The following STOX2 variants were observed in gnomAD, a reference collection of about 807,000 sequenced individuals.
The protein encoded by STOX2 is storkhead box 2.
Under a neutral mutation model 60.9 loss-of-function variants are expected in STOX2, and 28 were observed. The observed-to-expected ratio is 0.46, with a 90% confidence interval of 0.34 to 0.63. STOX2 has a LOEUF of 0.63. Among genes scored for constraint, STOX2 ranks in the 30% least tolerant of loss-of-function variants. The probability of loss-of-function intolerance (pLI) is 0.01; values close to 1 mark genes in which losing one functional copy is unlikely to be tolerated. For synonymous variants in STOX2, 472 were observed against 463.9 expected (o/e 1.02, Z -0.22); for missense variants, 1,024 against 1,187.7 (o/e 0.86, Z 2.03).
intron 1 of STOX2, among the ~76,000 whole-genome samples, chr4:183,890,114 T>C (rs1011726587): frequency 6.6e-6 from 1 of 152,152 alleles, no homozygotes; most frequent in Non-Finnish European, 1.5e-5. Context: ...ACCATTAAGC[T>C]AGCAACTCAG....
At chr4:183,938,898 T>C (rs939271801) in intron 1 of STOX2, among the ~76,000 whole-genome samples, 1 of 152,158 alleles carries the variant, frequency 6.6e-6, no homozygotes, top group South Asian at 2.1e-4. Flanking sequence ...AGAATGCTCA[T>C]CTTTTAATAG....
chr4:183,956,390 A>G (rs1743248295), intron 1 of STOX2, among the ~76,000 whole-genome samples: 3 of 146,892 alleles, frequency 2.0e-5, no homozygotes, highest in South Asian at 2.1e-4. Flanking sequence ...CTATCTATCT[A>G]TCTATCTATC....
chr4:183,815,961 C>T (rs1269431537), intron 1 of STOX2, among the ~76,000 whole-genome samples: 3 of 152,140 alleles, frequency 2.0e-5, no homozygotes, highest in Non-Finnish European at 2.9e-5. Context: ...ATCTTGCATA[C>T]GTGGTTGGAC....
intron 1 of STOX2, among the ~76,000 whole-genome samples, chr4:183,912,865 C>T (rs1179883755): frequency 6.6e-6 from 1 of 152,170 alleles, no homozygotes. Context: ...ATGTGAGTCA[C>T]CTTTTTGTAA....
At chr4:183,938,342 A>G (rs1457071657) in intron 1 of STOX2, among the ~76,000 whole-genome samples, 1 of 152,218 alleles carries the variant, frequency 6.6e-6, no homozygotes, top group East Asian at 1.9e-4. Context: ...GTAAATTAAC[A>G]TGCAAGAAGC....
chr4:184,007,560 A>T (rs1210182678), intron 2 of STOX2, among the ~76,000 whole-genome samples: 1 of 152,194 alleles, frequency 6.6e-6, no homozygotes, highest in Non-Finnish European at 1.5e-5. Flanking sequence ...CAGTGAATGG[A>T]GGCTCAGAGA....
chr4:183,812,883 A>G (rs1436490807), intron 1 of STOX2, among the ~76,000 whole-genome samples: 1 of 152,200 alleles, frequency 6.6e-6, no homozygotes, highest in Non-Finnish European at 1.5e-5. Context: ...TTTTGTTCTC[A>G]TACCAAAAAG....
At position 183,968,343 on chromosome 4, in the gene STOX2, TACACACACACAC is replaced by T. The variant is rs60432446; in HGVS notation, c.167-32956_167-32945del. On this transcript the variant is annotated intron_variant, in intron 1 of 3. Transcript: ENST00000308497. Reference sequence around the variant, plus strand: ...TTTAACATGCACACATGCATATACCTACACACACACACACACACACACACACACACACACACA... The same window carrying T: ...TTTAACATGCACACATGCATATACCTACACACACACACACACACACACACA... Among the ~76,000 whole-genome samples the T allele has an allele frequency of 2.5e-3, 359 of 145,560 alleles. 1 individual carries two copies. Among genetic ancestry groups the T allele is most frequent in the African/African-American group, 8.3e-3 (328 of 39,680 alleles).
At chr4:183,993,159 C>G (rs1733184424) in intron 1 of STOX2, among the ~76,000 whole-genome samples, 1 of 152,200 alleles carries the variant, frequency 6.6e-6, no homozygotes. Flanking sequence ...CGATGCTCTA[C>G]CCTTTCTGCC....
Position 184,011,609 on chromosome 4 carries a change from A to C in STOX2, c.2585+186A>C. On this transcript the variant is annotated intron_variant, in intron 3 of 3. Coordinates refer to ENST00000308497, the MANE Select transcript of STOX2 (RefSeq NM_020225.3). The surrounding 1 kb of genome is among the most constrained non-coding windows in gnomAD (Gnocchi z 4.4). ...CAGGAATTGAAAAAAATGTTTCTGC[A>C]CCTGTAGAGATCACCAATCTGGACT... is the stretch of plus-strand genomic sequence containing the variant. 6.6e-7 allele frequency: 1 copy of C among 1,525,326 alleles called. No individual in the cohort carries two copies. The allele number at this position is 1,525,326 out of a possible 1,614,324, so 94.5% of individuals were successfully genotyped here.
At chr4:183,969,561 C>T (rs192125459) in intron 1 of STOX2, among the ~76,000 whole-genome samples, 1 of 152,274 alleles carries the variant, frequency 6.6e-6, no homozygotes, top group Admixed American at 6.5e-5. Flanking sequence ...AGCTACCATA[C>T]CCCGCTAGAT....
At chr4:183,887,259 C>T (rs1741104690) in intron 1 of STOX2, among the ~76,000 whole-genome samples, 3 of 101,302 alleles carry the variant, frequency 3.0e-5, no homozygotes, top group Admixed American at 1.2e-4. Flanking sequence ...AATGAGACTC[C>T]GCCTGAAAGA....
At chr4:183,917,272 G>C (rs1265218758) in intron 1 of STOX2, among the ~76,000 whole-genome samples, 10 of 152,240 alleles carry the variant, frequency 6.6e-5, no homozygotes, top group Non-Finnish European at 7.3e-5. Context: ...TGGTGGATCG[G>C]TAATCGTGAC....
chr4:183,986,666 G>T (rs1181559081), intron 1 of STOX2, among the ~76,000 whole-genome samples: 1 of 152,380 alleles, frequency 6.6e-6, no homozygotes, highest in East Asian at 1.9e-4. Context: ...TATCGGATGG[G>T]TGATGGCGCA....
At chr4:183,936,334 G>T (rs1193139601) in intron 1 of STOX2, among the ~76,000 whole-genome samples, 1 of 151,982 alleles carries the variant, frequency 6.6e-6, no homozygotes, top group African/African-American at 2.4e-5. Context: ...AATTGCTTCA[G>T]CACCGCTTTT....
chr4:183,811,080 A>G (rs1739023912), intron 1 of STOX2, among the ~76,000 whole-genome samples: 2 of 152,116 alleles, frequency 1.3e-5, no homozygotes, highest in African/African-American at 2.4e-5. Flanking sequence ...GTGATTTTAC[A>G]AGGAAGTGTA....
chr4:184,008,115 T>A (rs1733955017), intron 2 of STOX2, among the ~76,000 whole-genome samples: 1 of 152,194 alleles, frequency 6.6e-6, no homozygotes, highest in Non-Finnish European at 1.5e-5. Flanking sequence ...GTGAGTCAGA[T>A]GGTTAAATAT....
chr4:183,909,105 AT>A lies in STOX2; in HGVS notation c.166+2151del, dbSNP rs1374596636. On this transcript the variant is annotated intron_variant, in intron 1 of 3. Coordinates refer to ENST00000308497, the MANE Select transcript of STOX2 (RefSeq NM_020225.3). ...ATGATGACAAACACCTACAATGAAG[AT>A]TGGGAGAGTAGGTGGAGTCTTTCTC... is the stretch of plus-strand genomic sequence containing the variant. 5.9e-5 allele frequency among the ~76,000 whole-genome samples: 9 copies of A among 152,342 alleles called. No individual in the cohort carries two copies. The East Asian group carries it at 9.6e-4, about 16-fold the overall frequency.
At chr4:183,973,523 T>TA (rs966564378) in intron 1 of STOX2, among the ~76,000 whole-genome samples, 1 of 151,874 alleles carries the variant, frequency 6.6e-6, no homozygotes, top group Non-Finnish European at 1.5e-5. Context: ...TATACGAAGG[T>TA]AAAAAAATGA....
Sources: allele counts gnomAD v4.1 joint callset (sites outside exome capture counted in the v4.1 genomes callset), GRCh38; gene constraint gnomAD v4.1.1; non-coding constraint Gnocchi (gnomAD v3.1); transcripts MANE v1.5; gene names NCBI Gene and HGNC (gene_info 2026-07-23, HGNC 2026-07-21).